The following RABGEF1 variants were observed in gnomAD, a reference collection of about 807,000 sequenced individuals.
The protein encoded by RABGEF1 is rab5 GDP/GTP exchange factor.
RABGEF1 carries 26 observed loss-of-function variants against 57.3 expected under a neutral mutation model. The observed-to-expected ratio is 0.45, with a 90% CI of 0.33 to 0.63. The LOEUF (loss-of-function observed/expected upper bound fraction) is 0.63. RABGEF1 is among the 20% of genes least tolerant of loss of function. The pLI is 0.02. For missense variants in RABGEF1, 464 were observed against 607.6 expected (o/e 0.76, Z 2.48); for synonymous variants, 185 against 210.7 (o/e 0.88, Z 1.06).
intron 2 of RABGEF1, among the ~76,000 whole-genome samples, chr7:66,732,803 T>TTTGCTCTCGCTC (rs1192105837): frequency 6.6e-6 from 1 of 152,010 alleles, no homozygotes; most frequent in Non-Finnish European, 1.5e-5. Flanking sequence ...CTCTCTCGCT[T>TTTGCTCTCGCTC]TTGCTCTCGC....
At chr7:66,734,248 TC>T (rs1232101648) in intron 2 of RABGEF1, among the ~76,000 whole-genome samples, 3 of 152,098 alleles carry the variant, frequency 2.0e-5, no homozygotes, top group African/African-American at 7.2e-5. Context: ...GCACGGGTTA[TC>T]GGTGTCTGAT....
rs1308380613 is a variant in RABGEF1 at position 66,724,223 on chromosome 7, A to T, written c.-815+11999A>T. On this transcript the variant is annotated intron_variant and NMD_transcript_variant, in intron 2 of 9. Coordinates refer to the RABGEF1 transcript ENST00000607882. ...TGTTTCTGATAATAAGTCAGCAGTA[A>T]TTCTTATCTTTGTTCCTTCTACATA... Among the ~76,000 whole-genome samples the T allele has an allele frequency of 2.6e-5, 4 of 152,208 alleles. No individual in the cohort carries two copies. In the East Asian group the frequency reaches 7.7e-4, roughly 29 times the overall value.
chr7:66,767,494 A>G (rs1243375559), intron 1 of RABGEF1, among the ~76,000 whole-genome samples: 1 of 152,146 alleles, frequency 6.6e-6, no homozygotes, highest in Non-Finnish European at 1.5e-5. Flanking sequence ...TAGTTCCTAA[A>G]TGGAATCATA....
At chr7:66,786,604 A>G (rs112299770) in intron 4 of RABGEF1, among the ~76,000 whole-genome samples, 4 of 152,224 alleles carry the variant, frequency 2.6e-5, no homozygotes, top group African/African-American at 4.8e-5. Context: ...GGGTTTCCCT[A>G]TGTTGCCCAG....
intron 1 of RABGEF1, among the ~76,000 whole-genome samples, chr7:66,701,464 A>G (rs1793246041): frequency 6.9e-6 from 1 of 145,124 alleles, no homozygotes; most frequent in Admixed American, 6.9e-5. Flanking sequence ...GTACCAGCAC[A>G]CTCCAGCCTG....
chr7:66,804,472 C>T (rs762792179), intron 7 of RABGEF1, among the ~76,000 whole-genome samples: 38 of 152,024 alleles, frequency 2.5e-4, no homozygotes, highest in Non-Finnish European at 4.4e-4. Context: ...CGGTGGCTCA[C>T]GCCTGTAATC....
At chr7:66,764,083 C>G (rs898547300) in intron 1 of RABGEF1, among the ~76,000 whole-genome samples, 2 of 152,310 alleles carry the variant, frequency 1.3e-5, no homozygotes, top group East Asian at 1.9e-4. Flanking sequence ...ATTTTACATT[C>G]CTACAAACAG....
intron 1 of RABGEF1, among the ~76,000 whole-genome samples, chr7:66,692,854 A>T (rs1791730150): frequency 6.6e-6 from 1 of 152,212 alleles, no homozygotes; most frequent in South Asian, 2.1e-4. Flanking sequence ...ACAGCTGCTG[A>T]GAAGTCAGCT....
chr7:66,674,884 C>T, the RABGEF1 span, among the ~76,000 whole-genome samples: 1 of 151,364 alleles, frequency 6.6e-6, no homozygotes, highest in African/African-American at 2.4e-5. Flanking sequence ...AATATTCATA[C>T]TTATAAAAAT....
chr7:66,696,648 C>G (rs1377846841), intron 1 of RABGEF1, among the ~76,000 whole-genome samples: 4 of 149,374 alleles, frequency 2.7e-5, no homozygotes, highest in Non-Finnish European at 4.4e-5. Flanking sequence ...CCAGGTCATG[C>G]CATTGCACTC....
chr7:66,734,892 G>A (rs1012828125), intron 2 of RABGEF1, among the ~76,000 whole-genome samples: 1 of 152,006 alleles, frequency 6.6e-6, no homozygotes, highest in Non-Finnish European at 1.5e-5. Context: ...GGACCCCCTC[G>A]CCACCCCACA....
intron 2 of RABGEF1, among the ~76,000 whole-genome samples, chr7:66,734,892 G>C (rs1012828125): frequency 6.6e-6 from 1 of 152,006 alleles, no homozygotes; most frequent in Non-Finnish European, 1.5e-5. Flanking sequence ...GGACCCCCTC[G>C]CCACCCCACA....
At chr7:66,705,496 A>C (rs953721492) in intron 1 of RABGEF1, among the ~76,000 whole-genome samples, 4 of 77,336 alleles carry the variant, frequency 5.2e-5, no homozygotes, top group East Asian at 4.0e-4. Flanking sequence ...AGGAGGGGGG[A>C]GGGGGAGGAA....
intron 3 of RABGEF1, 36 bp from the exon 4 acceptor site, chr7:66,783,639 T>C (rs759561778): frequency 6.5e-7 from 1 of 1,539,796 alleles, no homozygotes. Flanking sequence ...GGATCTTTTA[T>C]GTCATGAAAC....
intron 1 of RABGEF1, among the ~76,000 whole-genome samples, chr7:66,690,520 G>T (rs746362789): frequency 6.6e-6 from 1 of 151,024 alleles, no homozygotes; most frequent in Non-Finnish European, 1.5e-5. Context: ...TTCAAGACCA[G>T]CCTGGGCAAC....
intron 2 of RABGEF1, among the ~76,000 whole-genome samples, chr7:66,732,735 CTT>C (rs773863321): frequency 3.3e-5 from 5 of 151,976 alleles, no homozygotes; most frequent in African/African-American, 4.8e-5. Context: ...CTCTCTCTCT[CTT>C]GCTGTCTCTC....
chr7:66,712,087 C>T (rs1266051606), intron 1 of RABGEF1: 3 of 152,138 alleles, frequency 2.0e-5, no homozygotes, highest in African/African-American at 7.2e-5. Context: ...TTTGCATTTA[C>T]ATATACATTT....
At chr7:66,782,012 T>G (rs754334374) in intron 3 of RABGEF1, among the ~76,000 whole-genome samples, 11 of 152,216 alleles carry the variant, frequency 7.2e-5, no homozygotes, top group Non-Finnish European at 1.5e-4. Context: ...GTTGTTAAGA[T>G]AGTAGAGTAA....
rs1325680358 is a variant in RABGEF1, at chr7:66,809,513, A to G, written c.*229A>G. On this transcript the variant is annotated 3_prime_UTR_variant, in exon 9 of 9. Transcript: ENST00000284957. ...AGATTCATTTAAGGCTTGTGTGCAA[A>G]TTTTGTCTCAATCTTTTTTCCCTCC... is the stretch of plus-strand genomic sequence containing the variant. 2.5e-6 allele frequency: 1 copy of G among 401,416 alleles called. No homozygotes were observed. Among genetic ancestry groups the G allele is most frequent in the Non-Finnish European group, 4.3e-6 (1 of 232,968 alleles). 24.9% of individuals were successfully genotyped at this position (401,416 alleles called of 1,614,324 possible).
Sources: allele counts gnomAD v4.1 joint callset (sites outside exome capture counted in the v4.1 genomes callset), GRCh38; gene constraint gnomAD v4.1.1; transcripts MANE v1.5; gene names NCBI Gene and HGNC (gene_info 2026-07-23, HGNC 2026-07-21).